SLC16A7: variants seen among roughly 807,000 people sequenced by gnomAD.
SLC16A7 encodes monocarboxylate transporter 2.
A neutral mutation model predicts 34.9 loss-of-function variants in SLC16A7; 33 were observed. That is an observed-to-expected ratio of 0.94 (90% CI 0.72 to 1.26). The LOEUF is 1.26. SLC16A7 is among the 50% of genes most tolerant of loss of function. SLC16A7 has a pLI of 0.00. For synonymous variants in SLC16A7, 201 were observed against 206.6 expected, an observed-to-expected ratio of 0.97 and a Z score of 0.23; for missense variants, 573 against 578.1, an observed-to-expected ratio of 0.99 and a Z score of 0.09.
intron 2 of SLC16A7, among the ~76,000 whole-genome samples, chr12:59,658,128 T>C (rs894333029): frequency 6.6e-6 from 1 of 151,958 alleles, no homozygotes; most frequent in Non-Finnish European, 1.5e-5. Context: ...GCCTATTGAG[T>C]CTGTGGTTAA....
intron 2 of SLC16A7, among the ~76,000 whole-genome samples, chr12:59,702,442 T>A (rs546638941): frequency 1.3e-5 from 2 of 152,116 alleles, no homozygotes; most frequent in South Asian, 4.1e-4. Context: ...GCTGAAAACA[T>A]ACAAACCATC....
intron 1 of SLC16A7, among the ~76,000 whole-genome samples, chr12:59,637,752 C>T (rs1003900536): frequency 1.8e-4 from 27 of 152,118 alleles, no homozygotes; most frequent in African/African-American, 6.5e-4. Context: ...GTTCCCAATG[C>T]AACACTGTTA....
intron 2 of SLC16A7, among the ~76,000 whole-genome samples, chr12:59,702,008 G>A (rs941981198): frequency 2.0e-5 from 3 of 151,750 alleles, no homozygotes; most frequent in African/African-American, 7.2e-5. Context: ...GTTTTTACAC[G>A]CTGATTATAC....
chr12:59,703,086 A>G (rs1330373028), intron 2 of SLC16A7, among the ~76,000 whole-genome samples: 1 of 152,074 alleles, frequency 6.6e-6, no homozygotes, highest in African/African-American at 2.4e-5. Context: ...CCCCTTATCC[A>G]TTTTTGTATA....
At chr12:59,641,767 A>G (rs1010359564) in intron 1 of SLC16A7, among the ~76,000 whole-genome samples, 1 of 152,040 alleles carries the variant, frequency 6.6e-6, no homozygotes, top group African/African-American at 2.4e-5. Context: ...CTCTTCTACA[A>G]TCCAGGGCTT....
intron 1 of SLC16A7, among the ~76,000 whole-genome samples, chr12:59,650,890 A>G (rs920955208): frequency 1.9e-4 from 29 of 152,328 alleles, no homozygotes; most frequent in African/African-American, 7.0e-4. Flanking sequence ...ATGTAAAAAT[A>G]AAATTGCTAA....
Position 59,753,290 on chromosome 12 carries a change from A to T in SLC16A7, c.218-17929A>T, listed in dbSNP as rs992407965. On this transcript the variant is annotated intron_variant, in intron 3 of 5. Coordinates refer to ENST00000547379, the MANE Select transcript of SLC16A7 (RefSeq NM_001270623.2). ...TAAATGTAAATGGACTAAATGCTCC[A>T]ATTAAAAGACACAGACTGGCAAATT... is the stretch of plus-strand genomic sequence containing the variant. 4.3e-4 allele frequency among the ~76,000 whole-genome samples: 66 copies of T among 152,360 alleles called. 5 individuals carry two copies. Among genetic ancestry groups the T allele is most frequent in the African/African-American group, 1.5e-3 (63 of 41,590 alleles).
chr12:59,629,412 G>A (rs1042889091), intron 1 of SLC16A7, among the ~76,000 whole-genome samples: 4 of 151,882 alleles, frequency 2.6e-5, no homozygotes, highest in African/African-American at 9.7e-5. Context: ...CTTCTATTCA[G>A]AAGCTATGTG....
At chr12:59,614,137 G>A (rs896316884) in intron 1 of SLC16A7, among the ~76,000 whole-genome samples, 2 of 150,068 alleles carry the variant, frequency 1.3e-5, no homozygotes, top group Admixed American at 6.7e-5. Context: ...TGCAGCCTTC[G>A]CCTCCTGGGT....
intron 3 of SLC16A7, among the ~76,000 whole-genome samples, chr12:59,755,196 A>G (rs1364622311): frequency 1.3e-5 from 2 of 152,206 alleles, no homozygotes; most frequent in Admixed American, 1.3e-4. Flanking sequence ...AACTGGCACA[A>G]GACAGGGATG....
At chr12:59,724,467 A>G (rs12826963) in intron 3 of SLC16A7, among the ~76,000 whole-genome samples, 18,649 of 151,944 alleles carry the variant, frequency 0.12, 1,496 homozygotes, top group African/African-American at 0.22. Context: ...GTATTACTTC[A>G]AAGTAAAAAC....
At chr12:59,647,258 A>T (rs745762611) in intron 1 of SLC16A7, among the ~76,000 whole-genome samples, 1 of 152,110 alleles carries the variant, frequency 6.6e-6, no homozygotes, top group Non-Finnish European at 1.5e-5. Flanking sequence ...CCCATGTATC[A>T]TGGGAGGGGA....
chr12:59,730,615 G>C (rs1043904922), intron 3 of SLC16A7, among the ~76,000 whole-genome samples: 7 of 152,126 alleles, frequency 4.6e-5, no homozygotes, highest in Non-Finnish European at 1.0e-4. Flanking sequence ...GACAAGGTAG[G>C]TGACCATATG....
At chr12:59,668,651 G>C (rs1382466557) in intron 2 of SLC16A7, among the ~76,000 whole-genome samples, 1 of 152,116 alleles carries the variant, frequency 6.6e-6, no homozygotes, top group Non-Finnish European at 1.5e-5. Context: ...GTAGACTTTT[G>C]GGTTAATGCT....
intron 1 of SLC16A7, among the ~76,000 whole-genome samples, chr12:59,648,339 G>T (rs745815676): frequency 2.0e-5 from 3 of 152,112 alleles, no homozygotes; most frequent in Non-Finnish European, 4.4e-5. Flanking sequence ...CAGACTTCTT[G>T]TTGCAAGAAG....
intron 3 of SLC16A7, among the ~76,000 whole-genome samples, chr12:59,727,319 G>A (rs996495259): frequency 2.0e-5 from 3 of 152,004 alleles, no homozygotes; most frequent in African/African-American, 4.8e-5. Context: ...TATGAACAGA[G>A]GATAGAGGAA....
chr12:59,615,261 G>A (rs1026888641), intron 1 of SLC16A7, among the ~76,000 whole-genome samples: 4 of 151,908 alleles, frequency 2.6e-5, no homozygotes, highest in South Asian at 2.1e-4. Flanking sequence ...TACTCATTCT[G>A]TGGTATTGTT....
At chr12:59,612,308 C>T (rs1391510923) in intron 1 of SLC16A7, among the ~76,000 whole-genome samples, 1 of 152,232 alleles carries the variant, frequency 6.6e-6, no homozygotes, top group Non-Finnish European at 1.5e-5. Flanking sequence ...CTCGCCCTAT[C>T]TAAAGCAGTG....
chr12:59,747,609 G>A (rs1879031927), intron 3 of SLC16A7, among the ~76,000 whole-genome samples: 1 of 152,136 alleles, frequency 6.6e-6, no homozygotes, highest in Non-Finnish European at 1.5e-5. Context: ...GTGAAAGGGT[G>A]CAATTGTCTA....
Sources: allele counts gnomAD v4.1 joint callset (sites outside exome capture counted in the v4.1 genomes callset), GRCh38; gene constraint gnomAD v4.1.1; transcripts MANE v1.5; gene names NCBI Gene and HGNC (gene_info 2026-07-23, HGNC 2026-07-21).